The following ELP4 variants were observed in gnomAD, a reference collection of about 807,000 sequenced individuals.
ELP4 encodes elongator acetyltransferase complex subunit 4.
ELP4 carries 51 observed loss-of-function variants against 48.9 expected under a neutral mutation model. The ratio of observed to expected loss-of-function variants is 1.04; its 90% CI spans 0.83 to 1.32. The LOEUF (loss-of-function observed/expected upper bound fraction) is 1.32, where lower values mean the gene tolerates loss of function less well. ELP4 is among the 40% of genes most tolerant of loss of function. The pLI is 0.00. For synonymous variants in ELP4, 210 were observed against 189.2 expected (o/e 1.11, Z -0.90); for missense variants, 519 against 514.6 (o/e 1.01, Z -0.08).
At chr11:31,638,292 A>G (rs550355900) in intron 7 of ELP4, among the ~76,000 whole-genome samples, 1 of 151,856 alleles carries the variant, frequency 6.6e-6, no homozygotes, top group Non-Finnish European at 1.5e-5. Context: ...AGTTTAATGT[A>G]CTTGTCTAGA....
At chr11:31,682,139 C>T in intron 9 of ELP4, 4 of 1,157,976 alleles carry the variant, frequency 3.5e-6, no homozygotes, top group Non-Finnish European at 4.4e-6. Flanking sequence ...AACTATGCAA[C>T]AGTTTCAGCC....
rs180984552 is a variant in ELP4, at chr11:31,661,985, T to G, written c.1143+11764T>G. ...AGGACTAATCCTTATTGAAGAATCA[T>G]CCTATTGACCTCTTTATTATACACT... On this transcript the variant is annotated intron_variant, in intron 9 of 9. Transcript: ENST00000640961. Among the ~76,000 whole-genome samples the G allele has an allele frequency of 2.4e-4, 36 of 152,186 alleles. No homozygotes were observed. In the East Asian group the frequency reaches 6.9e-3, roughly 29 times the overall value.
intron 5 of ELP4, among the ~76,000 whole-genome samples, chr11:31,616,551 C>A (rs1035617974): frequency 6.6e-6 from 1 of 151,840 alleles, no homozygotes; most frequent in Non-Finnish European, 1.5e-5. Context: ...AAAGCACAAA[C>A]AATAAAAGCA....
At chr11:31,546,067 C>T (rs1006281185) in intron 3 of ELP4, among the ~76,000 whole-genome samples, 1 of 151,952 alleles carries the variant, frequency 6.6e-6, no homozygotes, top group Non-Finnish European at 1.5e-5. Context: ...TAGGAAGAAA[C>T]TGCATCAACT....
intron 5 of ELP4, among the ~76,000 whole-genome samples, chr11:31,605,773 G>A (rs1231009773): frequency 6.6e-6 from 1 of 152,090 alleles, no homozygotes; most frequent in African/African-American, 2.4e-5. Context: ...CCAGACGTTT[G>A]AATATGGGAT....
chr11:31,608,477 GA>G (rs1469614611), intron 5 of ELP4, among the ~76,000 whole-genome samples: 2 of 151,814 alleles, frequency 1.3e-5, no homozygotes, highest in African/African-American at 4.8e-5. Context: ...GGAATGTTGG[GA>G]AATTTAGAGG....
intron 9 of ELP4, among the ~76,000 whole-genome samples, chr11:31,742,026 C>T (rs896397034): frequency 1.3e-5 from 2 of 152,114 alleles, no homozygotes; most frequent in African/African-American, 4.8e-5. Context: ...GATAACTAGA[C>T]TAACCAACGC....
chr11:31,650,883 G>C (rs538967588), intron 9 of ELP4: 1 of 151,792 alleles, frequency 6.6e-6, no homozygotes, highest in African/African-American at 2.4e-5. Flanking sequence ...GATGGCTTTT[G>C]GGTGATGTGA....
chr11:31,650,251 A>G (rs748071671), intron 9 of ELP4, 30 bp downstream of exon 9: 10 of 716,034 alleles, frequency 1.4e-5, no homozygotes, highest in African/African-American at 5.4e-5. Flanking sequence ...TTAGTTTACA[A>G]TCTTGAGATA....
At chr11:31,537,194 T>G (rs1956515059) in intron 2 of ELP4, among the ~76,000 whole-genome samples, 1 of 152,198 alleles carries the variant, frequency 6.6e-6, no homozygotes, top group Non-Finnish European at 1.5e-5. Flanking sequence ...TTTGATTGAG[T>G]GTACTATGAG....
chr11:31,758,664 G>A (rs1174215251), intron 9 of ELP4, among the ~76,000 whole-genome samples: 1 of 138,316 alleles, frequency 7.2e-6, no homozygotes, highest in East Asian at 2.2e-4. Context: ...GACAAAGAGG[G>A]TGGAACTTTT....
At chr11:31,697,937 T>C (rs538920918) in intron 9 of ELP4, among the ~76,000 whole-genome samples, 1 of 148,120 alleles carries the variant, frequency 6.8e-6, no homozygotes, top group African/African-American at 2.4e-5. Context: ...GTAGTGCTTC[T>C]ACTACATATC....
intron 9 of ELP4, among the ~76,000 whole-genome samples, chr11:31,780,097 T>C (rs1259476782): frequency 6.6e-6 from 1 of 152,204 alleles, no homozygotes; most frequent in Non-Finnish European, 1.5e-5. Flanking sequence ...GAAACCTCAA[T>C]GTCTAAAAGT....
At chr11:31,536,094 A>C (rs927909240) in intron 2 of ELP4, among the ~76,000 whole-genome samples, 4 of 152,078 alleles carry the variant, frequency 2.6e-5, no homozygotes, top group Non-Finnish European at 4.4e-5. Flanking sequence ...TTAGTAGTTT[A>C]TTTCTTTTTA....
chr11:31,567,777 T>G (rs921268339), intron 3 of ELP4, among the ~76,000 whole-genome samples: 1 of 152,208 alleles, frequency 6.6e-6, no homozygotes, highest in Non-Finnish European at 1.5e-5. Context: ...TGCAATAGCA[T>G]TATGACTAAA....
chr11:31,696,418 G>A (rs978342229), intron 9 of ELP4, among the ~76,000 whole-genome samples: 1 of 151,888 alleles, frequency 6.6e-6, no homozygotes, highest in African/African-American at 2.4e-5. Context: ...CCTTCATTTT[G>A]TTATATACCC....
At chr11:31,732,873 A>C (rs1430875218) in intron 9 of ELP4, among the ~76,000 whole-genome samples, 1 of 152,232 alleles carries the variant, frequency 6.6e-6, no homozygotes, top group East Asian at 1.9e-4. Flanking sequence ...TAGCAATTGT[A>C]AATTGTTATA....
intron 9 of ELP4, among the ~76,000 whole-genome samples, chr11:31,744,597 A>G (rs1947536045): frequency 6.6e-6 from 1 of 152,246 alleles, no homozygotes; most frequent in South Asian, 2.1e-4. Context: ...ACGCAAATCA[A>G]TAAATGTAAT....
chr11:31,743,427 A>C (rs1233990853), intron 9 of ELP4, among the ~76,000 whole-genome samples: 1 of 152,226 alleles, frequency 6.6e-6, no homozygotes, highest in Non-Finnish European at 1.5e-5. Flanking sequence ...TGTCCACCCC[A>C]AATCAACAGA....
Sources: allele counts gnomAD v4.1 joint callset (sites outside exome capture counted in the v4.1 genomes callset), GRCh38; gene constraint gnomAD v4.1.1; transcripts MANE v1.5; gene names NCBI Gene and HGNC (gene_info 2026-07-23, HGNC 2026-07-21).